The following WDR7 variants were observed in gnomAD, a reference collection of about 807,000 sequenced individuals.
WDR7 encodes WD repeat-containing protein 7.
A neutral mutation model predicts 169.4 loss-of-function variants in WDR7; 46 were observed. That is an observed-to-expected ratio of 0.27 (90% confidence interval 0.21 to 0.35). The LOEUF (loss-of-function observed/expected upper bound fraction) is 0.35, where lower values mean the gene tolerates loss of function less well. WDR7 is among the 10% of genes least tolerant of loss of function. WDR7 has a pLI of 1.00. For synonymous variants in WDR7, 612 were observed against 666.8 expected, an observed-to-expected ratio of 0.92 and a Z score of 1.27; for missense variants, 1,534 against 1,859.3, an observed-to-expected ratio of 0.83 and a Z score of 3.22.
At chr18:56,913,794 C>A (rs1313351198) in intron 21 of WDR7, among the ~76,000 whole-genome samples, 1 of 132,924 alleles carries the variant, frequency 7.5e-6, no homozygotes, top group Non-Finnish European at 1.6e-5. Context: ...GACCCTGTTT[C>A]AAAAAAATAA....
intron 14 of WDR7, among the ~76,000 whole-genome samples, chr18:56,740,558 A>C (rs1037253744): frequency 6.6e-6 from 1 of 152,188 alleles, no homozygotes; most frequent in African/African-American, 2.4e-5. Flanking sequence ...AGATAGAATA[A>C]AGGCTGACCA....
chr18:56,887,217 G>A (rs1035291704), intron 21 of WDR7, among the ~76,000 whole-genome samples: 1 of 150,384 alleles, frequency 6.6e-6, no homozygotes, highest in East Asian at 1.9e-4. Context: ...AAGACAGGAA[G>A]TTGAACTATA....
At chr18:56,966,787 G>T (rs372850782) in intron 26 of WDR7, among the ~76,000 whole-genome samples, 1 of 152,174 alleles carries the variant, frequency 6.6e-6, no homozygotes, top group Admixed American at 6.6e-5. Flanking sequence ...CAGGCCAGGG[G>T]ATTAAGATAT....
intron 21 of WDR7, among the ~76,000 whole-genome samples, chr18:56,923,685 G>C (rs564535347): frequency 6.6e-6 from 1 of 152,104 alleles, no homozygotes; most frequent in East Asian, 1.9e-4. Context: ...ACTCATTTAC[G>C]TACAATATGT....
intron 26 of WDR7, among the ~76,000 whole-genome samples, chr18:56,975,319 G>T (rs540635557): frequency 6.1e-4 from 93 of 152,242 alleles, no homozygotes; most frequent in African/African-American, 2.2e-3. Flanking sequence ...AACTTTTCTG[G>T]GAGAGGATGA....
chr18:56,719,064 T>C (rs186755756), intron 13 of WDR7, among the ~76,000 whole-genome samples: 2 of 152,364 alleles, frequency 1.3e-5, no homozygotes, highest in East Asian at 3.9e-4. Context: ...GAAGCATTCT[T>C]GAAGTCTGTC....
rs2046157872 is a variant in WDR7 at position 56,884,460 on chromosome 18, T to C, written c.3526+4295T>C. On this transcript the variant is annotated intron_variant, in intron 21 of 27. Coordinates refer to ENST00000254442, the MANE Select transcript of WDR7 (RefSeq NM_015285.3). ...TCTCCCACTTTGTGGGTTGTCTGTT[T>C]ACTCTGCTGGTGGTTTCTTTTGCTG... Among the ~76,000 whole-genome samples, 4 of 152,354 alleles carry C rather than the reference T, an allele frequency of 2.6e-5. 1 individual carries two copies. The South Asian group carries it at 8.3e-4, about 32-fold the overall frequency.
At chr18:56,772,058 C>A in intron 16 of WDR7, among the ~76,000 whole-genome samples, 1 of 41,448 alleles carries the variant, frequency 2.4e-5, no homozygotes, top group Non-Finnish European at 4.3e-5. Flanking sequence ...AAGACCCTGT[C>A]TCAAAAAAAA....
intron 21 of WDR7, among the ~76,000 whole-genome samples, chr18:56,917,192 G>A (rs1402125824): frequency 2.6e-5 from 4 of 151,358 alleles, no homozygotes; most frequent in East Asian, 1.9e-4. Context: ...GTGACATTCC[G>A]TCTCAAAAAA....
intron 19 of WDR7, among the ~76,000 whole-genome samples, chr18:56,782,760 T>C (rs1345821018): frequency 6.6e-6 from 1 of 152,164 alleles, no homozygotes; most frequent in Non-Finnish European, 1.5e-5. Context: ...AACTTTTATA[T>C]CTGGTTTAAA....
intron 14 of WDR7, among the ~76,000 whole-genome samples, chr18:56,732,476 A>T (rs953322290): frequency 6.6e-6 from 1 of 152,174 alleles, no homozygotes; most frequent in Non-Finnish European, 1.5e-5. Context: ...TAAATAGTAA[A>T]GGGGTTGAAA....
Position 56,718,137 on chromosome 18 carries a change from G to T in WDR7, c.1752G>T (p.Val584=), listed in dbSNP as rs1306693820. The part of the protein sequence containing the change: ...YLVVGCSDGS[V]YVWQMDTGAL... ...TGGTGGGGTGTTCAGATGGTTCTGT[G>T]TACGTCTGGCAAATGGATACTGGTA... Residue 584 remains valine, a synonymous_variant, in exon 13 of 28, where the codon GTG becomes GTT. Coordinates refer to ENST00000254442, the MANE Select transcript of WDR7 (RefSeq NM_015285.3). The T allele has an allele frequency of 2.5e-6, 4 of 1,612,750 alleles. No individual in the cohort carries two copies. In the African/African-American group the frequency reaches 5.3e-5, roughly 22 times the overall value.
At chr18:57,007,981 C>T (rs1419091050) in intron 26 of WDR7, among the ~76,000 whole-genome samples, 1 of 152,160 alleles carries the variant, frequency 6.6e-6, no homozygotes, top group Non-Finnish European at 1.5e-5. Flanking sequence ...CCTCCCAAAT[C>T]TGCCTTTCTT....
At chr18:56,768,266 A>G (rs566334095) in intron 16 of WDR7, among the ~76,000 whole-genome samples, 1 of 152,212 alleles carries the variant, frequency 6.6e-6, no homozygotes, top group South Asian at 2.1e-4. Flanking sequence ...TTTAAAAAAA[A>G]GCATTTATTT....
At chr18:56,931,150 C>G (rs1007984749) in intron 22 of WDR7, among the ~76,000 whole-genome samples, 3 of 151,788 alleles carry the variant, frequency 2.0e-5, no homozygotes, top group Non-Finnish European at 4.4e-5. Flanking sequence ...TAAAGAGAAC[C>G]GAAAGACCCA....
intron 7 of WDR7, among the ~76,000 whole-genome samples, chr18:56,689,197 G>A (rs2025511693): frequency 6.6e-6 from 1 of 152,044 alleles, no homozygotes; most frequent in African/African-American, 2.4e-5. Flanking sequence ...GTTTTCAATT[G>A]GGCTTACCAT....
At chr18:56,797,524 TTATG>T (rs921874594) in intron 19 of WDR7, among the ~76,000 whole-genome samples, 3 of 151,798 alleles carry the variant, frequency 2.0e-5, no homozygotes, top group Admixed American at 2.0e-4. Flanking sequence ...TATTTTATAT[TTATG>T]ATATAAATAT....
chr18:56,663,523 T>C (rs952288921), intron 1 of WDR7, among the ~76,000 whole-genome samples: 1 of 152,260 alleles, frequency 6.6e-6, no homozygotes, highest in African/African-American at 2.4e-5. Flanking sequence ...CATCATGGTA[T>C]GTATAAGTTA....
At chr18:56,924,664 A>T (rs771684489) in intron 22 of WDR7, among the ~76,000 whole-genome samples, 5 of 152,212 alleles carry the variant, frequency 3.3e-5, no homozygotes, top group Admixed American at 6.5e-5. Context: ...ACACGTGGTG[A>T]CCAACTGACT....
Sources: gnomAD v4.1 joint callset for allele counts (sites outside exome capture counted in the v4.1 genomes callset) on GRCh38, gnomAD v4.1.1 for gene constraint, MANE v1.5 for transcripts, NCBI Gene and HGNC (gene_info 2026-07-23, HGNC 2026-07-21) for gene names.